The following SCYL3 variants were observed in gnomAD, a reference collection of about 807,000 sequenced individuals.
SCYL3 encodes the protein SCY1 like pseudokinase 3, also known as protein-associating with the carboxyl-terminal domain of ezrin.
SCYL3 carries 35 observed loss-of-function variants against 73.8 expected under a neutral mutation model. The observed-to-expected ratio is 0.47, with a 90% CI of 0.36 to 0.63. The LOEUF (loss-of-function observed/expected upper bound fraction) is 0.63, where lower values mean the gene tolerates loss of function less well. Ranked by LOEUF, SCYL3 falls within the 20% of genes least tolerant of loss-of-function variation. SCYL3 has a pLI of 0.00. For missense variants in SCYL3, 712 were observed against 798.9 expected (o/e 0.89, Z 1.31); for synonymous variants, 277 against 295.2 (o/e 0.94, Z 0.63).
chr1:169,851,797 T>A lies in SCYL3; in HGVS notation c.*1916A>T. ...TGCTAACATGTTGCTATTTGCTTGG[T>A]TTTTCATGGTCCCTGGCAGACTGGG... On this transcript the variant is annotated 3_prime_UTR_variant, in exon 13 of 13. Coordinates refer to ENST00000367771, the MANE Select transcript of SCYL3 (RefSeq NM_020423.7). 6.2e-7 allele frequency: 1 copy of A among 1,610,284 alleles called. No homozygotes were observed. The highest frequency in any genetic ancestry group is 8.5e-7 in the Non-Finnish European group (1 of 1,178,018).
rs146764787 is a variant in SCYL3 at position 169,881,857 on chromosome 1, A to G, written c.166-3038T>C. On this transcript the variant is annotated intron_variant, in intron 2 of 12. Transcript: ENST00000367771. ...ATCATCAGGCATTAGTTAGATTGCC[A>G]TAAGTGCACAACCTAGATCTCTTGC... Among the ~76,000 whole-genome samples the G allele has an allele frequency of 9.7e-4, 148 of 152,380 alleles. 6 individuals carry two copies. In the South Asian group the frequency reaches 0.019, roughly 20 times the overall value.
rs202107684 is a variant in SCYL3 at position 169,854,877 on chromosome 1, G to A, written c.1400C>T (p.Ser467Leu). The part of the protein sequence containing the change: ...NTSEDSENFP[S>L]SSKKSEEWPD... ...CCACTCCTCAGACTTTTTAGAACTT[G>A]ATGGGAAGTTTTCACTGTCCTCCGA... The change falls in exon 12 of 13, where the codon TCA becomes TTA. Residue 467 changes from serine (S) to leucine (L), a missense_variant. Physicochemically the swap from Ser to Leu is moderately radical, Grantham distance 145. Around this residue, in one of 2 missense-constraint regions of SCYL3, gnomAD observed 370 missense variants for 350.8 expected, o/e 1.05. Transcript: ENST00000367771. The A allele has an allele frequency of 7.4e-6, 12 of 1,613,912 alleles. No homozygotes were observed. The Admixed American group carries it at 1.8e-4, about 25-fold the overall frequency.
chr1:169,852,122 C>A lies in SCYL3; in HGVS notation c.*1591G>T. The A allele has an allele frequency of 1.4e-6, 1 of 697,608 alleles. No homozygotes were observed. The highest frequency in any genetic ancestry group is 1.8e-5 in the South Asian group (1 of 55,462). 43.2% of individuals were successfully genotyped at this position (697,608 alleles called of 1,614,324 possible). On this transcript the variant is annotated 3_prime_UTR_variant, in exon 13 of 13. Transcript: ENST00000367771. ...ATTAAGAAGTGGGACTACACCATAT[C>A]AAATATATTCTTTCAGTATGTTTGA...
At chr1:169,855,026 A>T in intron 11 of SCYL3, 62 bp from the exon 12 acceptor site, 1 of 1,219,552 alleles carries the variant, frequency 8.2e-7, no homozygotes, top group Non-Finnish European at 1.1e-6. Flanking sequence ...CACTTATGGG[A>T]AGGATAGCAT....
intron 3 of SCYL3, among the ~76,000 whole-genome samples, chr1:169,877,143 T>A (rs2102187503): frequency 6.6e-6 from 1 of 152,202 alleles, no homozygotes; most frequent in African/African-American, 2.4e-5. Flanking sequence ...AAAGTATGTT[T>A]AAAGTTATTA....
chr1:169,884,502 T>C (rs1408750306), intron 2 of SCYL3, among the ~76,000 whole-genome samples: 1 of 151,770 alleles, frequency 6.6e-6, no homozygotes, highest in Non-Finnish European at 1.5e-5. Flanking sequence ...TTCACCATGT[T>C]GGCCAGGCTG....
At chr1:169,874,539 G>T (rs1660655375) in intron 4 of SCYL3, among the ~76,000 whole-genome samples, 2 of 151,088 alleles carry the variant, frequency 1.3e-5, no homozygotes, top group Non-Finnish European at 3.0e-5. Flanking sequence ...CAACAGAATG[G>T]CCTACAAAGA....
intron 11 of SCYL3, 23 bp from the exon 12 acceptor site, chr1:169,854,987 CATAAA>C: frequency 5.3e-6 from 8 of 1,505,926 alleles, no homozygotes; most frequent in Non-Finnish European, 6.3e-6. Flanking sequence ...TAATTATTCT[CATAAA>C]ATACTGGTTA....
At chr1:169,869,868 C>CA (rs1408292683) in intron 6 of SCYL3, among the ~76,000 whole-genome samples, 2 of 152,062 alleles carry the variant, frequency 1.3e-5, no homozygotes, top group African/African-American at 4.8e-5. Flanking sequence ...CTCAATTTAA[C>CA]AAAAAATTAT....
chr1:169,858,195 T>C (rs1226465817), intron 11 of SCYL3, among the ~76,000 whole-genome samples: 1 of 152,246 alleles, frequency 6.6e-6, no homozygotes, highest in Non-Finnish European at 1.5e-5. Context: ...TTAAAACATA[T>C]TGTACAACTG....
chr1:169,855,568 G>T (rs748534476), intron 11 of SCYL3, among the ~76,000 whole-genome samples: 1 of 152,166 alleles, frequency 6.6e-6, no homozygotes, highest in East Asian at 1.9e-4. Context: ...TCAAAGTAAA[G>T]TATCAGTGCA....
Position 169,890,096 on chromosome 1 carries a change from T to C in SCYL3, c.-50-1206A>G, listed in dbSNP as rs151166378. Reference sequence around the variant, plus strand: ...GGCAGAGGGACCTACTGTGCGTGCATGGGACCTACTGTGAGAGGCTTGCAT... The same window carrying C: ...GGCAGAGGGACCTACTGTGCGTGCACGGGACCTACTGTGAGAGGCTTGCAT... On this transcript the variant is annotated intron_variant, in intron 1 of 12. Coordinates refer to ENST00000367771, the MANE Select transcript of SCYL3 (RefSeq NM_020423.7). Among the ~76,000 whole-genome samples the C allele has an allele frequency of 2.6e-3, 389 of 152,304 alleles. 1 individual carries two copies. The highest frequency in any genetic ancestry group is 8.7e-3 in the African/African-American group (362 of 41,568).
At chr1:169,880,847 C>T (rs564637528) in intron 2 of SCYL3, among the ~76,000 whole-genome samples, 189 of 151,736 alleles carry the variant, frequency 1.2e-3, no homozygotes, top group Non-Finnish European at 2.2e-3. Flanking sequence ...CTGCAACCTC[C>T]GCCTCCCGGG....
At chr1:169,853,872 A>C in intron 12 of SCYL3, 100 bp from the exon 13 acceptor site, 1 of 1,358,424 alleles carries the variant, frequency 7.4e-7, no homozygotes, top group South Asian at 1.2e-5. Flanking sequence ...TTATCTTTTG[A>C]TGCCAGAAAC....
At chr1:169,894,132 C>T (rs1354465679), upstream of SCYL3, 1 of 152,244 alleles carries the variant, frequency 6.6e-6, no homozygotes, top group African/African-American at 2.4e-5. Flanking sequence ...GAAGATGCCC[C>T]CTTTCTAGAT....
chr1:169,892,168 G>A (rs1216155322), intron 1 of SCYL3, among the ~76,000 whole-genome samples: 3 of 152,210 alleles, frequency 2.0e-5, no homozygotes, highest in African/African-American at 7.2e-5. Context: ...GCTGATTATT[G>A]CAATTTGAGA....
At chr1:169,862,500 A>G in intron 10 of SCYL3, 113 bp downstream of exon 10, 2 of 1,114,064 alleles carry the variant, frequency 1.8e-6, no homozygotes. Context: ...TGTATTCCAC[A>G]GACTGCTGCC....
chr1:169,875,712 G>A (rs935292846), intron 4 of SCYL3, among the ~76,000 whole-genome samples: 1 of 152,112 alleles, frequency 6.6e-6, no homozygotes, highest in Non-Finnish European at 1.5e-5. Flanking sequence ...AGAGAGGAGG[G>A]GCATTTAACT....
At chr1:169,888,080 C>T (rs1571461908) in intron 2 of SCYL3, among the ~76,000 whole-genome samples, 1 of 152,318 alleles carries the variant, frequency 6.6e-6, no homozygotes, top group East Asian at 1.9e-4. Context: ...TTCCAAAGTG[C>T]TAGCTATCCA....
Sources: allele counts gnomAD v4.1 joint callset (sites outside exome capture counted in the v4.1 genomes callset), GRCh38; gene constraint gnomAD v4.1.1; regional missense constraint gnomAD v4.1.1; transcripts MANE v1.5; gene names NCBI Gene and HGNC (gene_info 2026-07-23, HGNC 2026-07-21).